The following TG variants were observed in gnomAD, a reference collection of about 807,000 sequenced individuals.
TG encodes the protein thyroglobulin.
A neutral mutation model predicts 324.7 loss-of-function variants in TG; 270 were observed. The observed-to-expected ratio is 0.83, with a 90% confidence interval of 0.75 to 0.92. TG has a LOEUF of 0.92. Ranked by LOEUF, TG falls within the 40% of genes least tolerant of loss-of-function variation. The pLI is 0.00. For missense variants in TG, 3,591 were observed against 3,456.4 expected (o/e 1.04, Z -0.98); for synonymous variants, 1,401 against 1,327.0 (o/e 1.06, Z -1.21).
chr8:133,040,030 A>G (rs1837911533), intron 41 of TG: 5 of 1,551,892 alleles, frequency 3.2e-6, no homozygotes, highest in Non-Finnish European at 4.4e-6. Flanking sequence ...CAGTCTTCTG[A>G]CGCAAGGTGA....
intron 33 of TG, chr8:132,972,183 CATG>C: frequency 4.3e-6 from 2 of 462,612 alleles, no homozygotes; most frequent in South Asian, 4.2e-5. Flanking sequence ...GATCCATTTG[CATG>C]ATGTGTACTT....
intron 41 of TG, among the ~76,000 whole-genome samples, chr8:133,054,845 G>C (rs1190238837): frequency 1.3e-5 from 2 of 152,224 alleles, no homozygotes; most frequent in East Asian, 1.9e-4. Flanking sequence ...TTAGTCAAGA[G>C]AGGACGGGCC....
chr8:133,101,542 C>T (rs1849252636), intron 43 of TG, among the ~76,000 whole-genome samples: 1 of 152,036 alleles, frequency 6.6e-6, no homozygotes, highest in Admixed American at 6.6e-5. Flanking sequence ...GCCCCTCCTG[C>T]CCCATCTGGG....
At chr8:133,133,713 G>A (rs1024749161) in intron 47 of TG, 53 bp downstream of exon 47, 18 of 1,575,560 alleles carry the variant, frequency 1.1e-5, no homozygotes, top group Non-Finnish European at 1.6e-5. Context: ...CTCAGCATCT[G>A]CTGTGCTCGC....
At chr8:132,994,324 CA>C (rs1832667508) in intron 35 of TG, among the ~76,000 whole-genome samples, 1 of 152,102 alleles carries the variant, frequency 6.6e-6, no homozygotes, top group Non-Finnish European at 1.5e-5. Context: ...ATATCTTTTT[CA>C]GGGGTGTTCA....
rs79796959 is a variant in TG at position 133,007,498 on chromosome 8, C to T, written c.6263-4403C>T. 4.3e-3 allele frequency among the ~76,000 whole-genome samples: 654 copies of T among 152,076 alleles called. 5 individuals are homozygous for T. The highest frequency in any genetic ancestry group is 5.3e-3 in the Non-Finnish European group (363 of 67,984). ...CAGATAAACAAAAACTAGAATTAGA[C>T]CAGACTGAGTATTTTAGTGGAGGTA... On this transcript the variant is annotated intron_variant, in intron 35 of 47. Coordinates refer to ENST00000220616, the MANE Select transcript of TG (RefSeq NM_003235.5).
At chr8:133,039,859 C>T in intron 41 of TG, 6 of 1,430,004 alleles carry the variant, frequency 4.2e-6, no homozygotes, top group Non-Finnish European at 4.7e-6. Flanking sequence ...TGCTCACCCC[C>T]CAGTTTCAGC....
intron 41 of TG, chr8:133,050,955 T>C: frequency 8.2e-7 from 1 of 1,218,478 alleles, no homozygotes; most frequent in Non-Finnish European, 1.2e-6. Context: ...GCAAGGTGCT[T>C]TTTATTCACA....
intron 40 of TG, among the ~76,000 whole-genome samples, chr8:133,026,262 C>T (rs1239384924): frequency 6.6e-6 from 1 of 152,192 alleles, no homozygotes; most frequent in African/African-American, 2.4e-5. Context: ...CCTGAGAGCC[C>T]CAGACTCCAG....
Position 132,898,209 on chromosome 8 carries a change from T to C in TG, c.3180T>C (p.Pro1060=), listed in dbSNP as rs1015200934. ...WCVDEKGGFI[P]GSLTARSLQI... ...TAGATGAGAAAGGAGGGTTCATCCC[T>C]GGCTCACTGACTGCCCGCTCTCTGC... Residue 1060 remains proline, a synonymous_variant, in exon 13 of 48, where the codon CCT becomes CCC. Transcript: ENST00000220616. The C allele has an allele frequency of 6.2e-6, 10 of 1,605,668 alleles. No homozygotes were observed. In the African/African-American group the frequency reaches 1.1e-4, roughly 17 times the overall value.
In TG at chr8:133,130,601, A is replaced by T. The variant is rs148280257; in HGVS notation, c.7863-1211A>T. Among the ~76,000 whole-genome samples, 1,296 of 152,280 alleles carry T rather than the reference A, an allele frequency of 8.5e-3. 20 individuals carry two copies. Among genetic ancestry groups the T allele is most frequent in the African/African-American group, 0.03 (1,237 of 41,546 alleles). On this transcript the variant is annotated intron_variant, in intron 45 of 47. Coordinates refer to ENST00000220616, the MANE Select transcript of TG (RefSeq NM_003235.5). Reference sequence around the variant, plus strand: ...GGGGCCTGGGTCCTCTACCTCAAGGAACGGAATCCTTTCACAACTTTGAAT... The same window carrying T: ...GGGGCCTGGGTCCTCTACCTCAAGGTACGGAATCCTTTCACAACTTTGAAT...
rs199724462 is a variant in TG, at chr8:133,113,497, G to A, written c.7648G>A (p.Glu2550Lys). The change falls in exon 44 of 48, where the codon GAG becomes AAG. Residue 2550 changes from glutamate to lysine, a missense_variant. Coordinates refer to ENST00000220616, the MANE Select transcript of TG (RefSeq NM_003235.5). ...YQALQNSLGGEDSDARVEAAA... is the reference protein window; with the variant it reads ...YQALQNSLGGKDSDARVEAAA... ...GGCACTGCAGAATTCTCTGGGTGGC[G>A]AGGACTCAGATGCCCGCGTCGAGGC... is the stretch of plus-strand genomic sequence containing the variant. The A allele has an allele frequency of 7.6e-5, 122 of 1,613,832 alleles. No individual in the cohort carries two copies. Among genetic ancestry groups the A allele is most frequent in the Non-Finnish European group, 9.6e-5 (113 of 1,180,002 alleles).
intron 43 of TG, among the ~76,000 whole-genome samples, chr8:133,109,938 C>T (rs948708456): frequency 2.0e-5 from 3 of 152,134 alleles, no homozygotes; most frequent in Admixed American, 6.5e-5. Flanking sequence ...CTCACTATGA[C>T]CCCCTCATGT....
chr8:132,936,436 G>C (rs2178968), intron 25 of TG, among the ~76,000 whole-genome samples: 17,572 of 152,198 alleles, frequency 0.12, 1,346 homozygotes, highest in East Asian at 0.41. Context: ...TAAATCATTG[G>C]TGTCAGGCCG....
rs369705913 is a variant in TG at position 132,967,961 on chromosome 8, C to T, written c.5854C>T (p.Arg1952Trp). 8.1e-5 allele frequency: 131 copies of T among 1,613,528 alleles called. No individual in the cohort carries two copies. The highest frequency in any genetic ancestry group is 2.7e-4 in the South Asian group (25 of 91,036). Residue 1952 changes from arginine (R) to tryptophan (W), a missense_variant, in exon 31 of 48, where the codon CGG becomes TGG. By Grantham distance (101) the Arg-to-Trp change is moderately radical. Transcript: ENST00000220616. Reference sequence around the variant, plus strand: ...GCCTCAGATGCCAAAGGCCCTGTTCCGGAAGAAAGGTGAGCACTTGGAGAG... The same window carrying T: ...GCCTCAGATGCCAAAGGCCCTGTTCTGGAAGAAAGGTGAGCACTTGGAGAG... ...ILPQMPKALF[R>W]KKVILEDKVK...
rs925031499 is a variant in TG, at chr8:133,134,057, G to C, written c.8188+397G>C. ...ATCTTGGAGAGGTAACTCTAGCCAG[G>C]GGAAAAGTGGGCATTTCTACCTCTT... On this transcript the variant is annotated intron_variant, in intron 47 of 47. Coordinates refer to ENST00000220616, the MANE Select transcript of TG (RefSeq NM_003235.5). Among the ~76,000 whole-genome samples the C allele has an allele frequency of 4.6e-5, 7 of 152,212 alleles. No homozygotes were observed. In the East Asian group the frequency reaches 1.3e-3, roughly 29 times the overall value.
chr8:133,012,076 C>T (rs763919464), intron 36 of TG, 41 bp downstream of exon 36: 43 of 1,613,548 alleles, frequency 2.7e-5, no homozygotes, highest in South Asian at 5.5e-5. Context: ...TGGGACAAAA[C>T]CTCACACAAG....
chr8:132,963,013 G>A lies in TG; in HGVS notation c.5487G>A (p.Arg1829=). ...YLWKDSDMGS[R]PESMGCRKDT... ...TCCTAGATTCTGACATGGGGTCTCG[G>A]CCTGAGTCTATGGGATGTAGAAAAG... Residue 1829 remains arginine, a synonymous_variant, in exon 29 of 48, where the codon CGG becomes CGA. Coordinates refer to ENST00000220616, the MANE Select transcript of TG (RefSeq NM_003235.5). 1 of 1,613,922 alleles carries A rather than the reference G, an allele frequency of 6.2e-7. No homozygotes were observed. Among genetic ancestry groups the A allele is most frequent in the Non-Finnish European group, 8.5e-7 (1 of 1,179,894 alleles).
chr8:133,075,135 G>A, intron 41 of TG: 1 of 985,252 alleles, frequency 1.0e-6, no homozygotes, highest in Non-Finnish European at 1.2e-6. Context: ...CAAGGACTGG[G>A]AAGATAGATG....
Sources: gnomAD v4.1 joint callset for allele counts (sites outside exome capture counted in the v4.1 genomes callset) on GRCh38, gnomAD v4.1.1 for gene constraint, MANE v1.5 for transcripts, NCBI Gene and HGNC (gene_info 2026-07-23, HGNC 2026-07-21) for gene names.